The following RBM25 variants were observed in gnomAD, a reference collection of about 807,000 sequenced individuals.
The protein encoded by RBM25 is RNA binding motif protein 25, also known as RNA-binding protein 25.
Under a neutral mutation model 120.7 loss-of-function variants are expected in RBM25, and 19 were observed. The observed-to-expected ratio is 0.16, with a 90% CI of 0.11 to 0.23. The LOEUF is 0.23. Ranked by LOEUF, RBM25 falls within the 10% of genes least tolerant of loss-of-function variation. The probability of loss-of-function intolerance (pLI) is 1.00; values close to 1 mark genes in which losing one functional copy is unlikely to be tolerated. For missense variants in RBM25, 605 were observed against 1,041.5 expected, an observed-to-expected ratio of 0.58 and a Z score of 5.77; for synonymous variants, 390 against 326.7, an observed-to-expected ratio of 1.19 and a Z score of -2.09.
At chr14:73,111,329 C>A in intron 15 of RBM25, 174 bp downstream of exon 15, 1 of 823,522 alleles carries the variant, frequency 1.2e-6, no homozygotes, top group Admixed American at 3.1e-5. Flanking sequence ...GCTCCTATAT[C>A]TGCAGCTGCC....
At chr14:73,071,401 A>G (rs1352467305) in intron 1 of RBM25, among the ~76,000 whole-genome samples, 1 of 152,084 alleles carries the variant, frequency 6.6e-6, no homozygotes, top group Non-Finnish European at 1.5e-5. Context: ...TTCCTACATG[A>G]TTGTAGGAGT....
intron 4 of RBM25, 89 bp from the exon 5 acceptor site, chr14:73,083,405 C>T: frequency 9.8e-7 from 1 of 1,016,738 alleles, no homozygotes; most frequent in Non-Finnish European, 1.4e-6. Context: ...TGTTTTTTAT[C>T]CCTAGTAGAA....
At chr14:73,060,753 CA>C (rs1286576039) in intron 1 of RBM25, among the ~76,000 whole-genome samples, 2 of 151,266 alleles carry the variant, frequency 1.3e-5, no homozygotes, top group Admixed American at 6.6e-5. Context: ...TTCAGATTTA[CA>C]AAAAAAGTTG....
intron 18 of RBM25, among the ~76,000 whole-genome samples, chr14:73,117,205 C>CTTTTATTTTTATTT (rs1896448964): frequency 2.7e-5 from 1 of 36,564 alleles, no homozygotes; most frequent in African/African-American, 1.0e-4. Context: ...TTTCTTTCTT[C>CTTTTATTTTTATTT]TTTTCTTTTT....
chr14:73,059,119 ACT>A (rs754604799), intron 1 of RBM25, among the ~76,000 whole-genome samples: 1 of 151,352 alleles, frequency 6.6e-6, no homozygotes, highest in African/African-American at 2.4e-5. Context: ...GGCCTGGGAC[ACT>A]CTCGCCCCAG....
intron 18 of RBM25, among the ~76,000 whole-genome samples, chr14:73,119,145 C>T (rs1295644907): frequency 6.6e-6 from 1 of 152,160 alleles, no homozygotes; most frequent in Admixed American, 6.5e-5. Context: ...AGCAAAACTA[C>T]TTCCTAAGGA....
At chr14:73,090,398 C>T (rs746442943) in intron 6 of RBM25, among the ~76,000 whole-genome samples, 26 of 152,274 alleles carry the variant, frequency 1.7e-4, no homozygotes, top group Admixed American at 1.3e-4. Flanking sequence ...CTCCAGTCCA[C>T]GTTTCTAGCT....
chr14:73,081,299 G>A (rs758138084), intron 4 of RBM25, among the ~76,000 whole-genome samples: 1 of 152,024 alleles, frequency 6.6e-6, no homozygotes, highest in Non-Finnish European at 1.5e-5. Flanking sequence ...CACCACGTCC[G>A]GCTAATTTTT....
intron 4 of RBM25, among the ~76,000 whole-genome samples, chr14:73,083,194 G>T (rs1176583183): frequency 6.6e-6 from 1 of 151,970 alleles, no homozygotes; most frequent in Non-Finnish European, 1.5e-5. Context: ...CTAATTTTAG[G>T]CATTTAGGTT....
In RBM25 at chr14:73,079,617, T is replaced by C. The variant is rs536775770; in HGVS notation, c.324+2081T>C. Among the ~76,000 whole-genome samples, 12 of 150,620 alleles carry C rather than the reference T, an allele frequency of 8.0e-5. No homozygotes were observed. In the South Asian group the frequency reaches 2.3e-3, roughly 29 times the overall value. On this transcript the variant is annotated intron_variant, in intron 4 of 18. Coordinates refer to ENST00000261973, the MANE Select transcript of RBM25 (RefSeq NM_021239.3). ...GCAATCTTGCCATCCTCTGGAAATA[T>C]TGTTGCCTGCTCTCCTTATGCCCCT... is the stretch of plus-strand genomic sequence containing the variant.
intron 4 of RBM25, among the ~76,000 whole-genome samples, chr14:73,082,561 G>A (rs1323445388): frequency 6.6e-6 from 1 of 152,174 alleles, no homozygotes; most frequent in Non-Finnish European, 1.5e-5. Context: ...AAAGTGTTGG[G>A]ATTATAGACG....
intron 5 of RBM25, among the ~76,000 whole-genome samples, chr14:73,087,540 C>T (rs1038937049): frequency 6.6e-6 from 1 of 152,088 alleles, no homozygotes; most frequent in Non-Finnish European, 1.5e-5. Flanking sequence ...GGACTACAGG[C>T]GCCCGCCACC....
chr14:73,082,546 C>T (rs1824695247), intron 4 of RBM25, among the ~76,000 whole-genome samples: 2 of 152,180 alleles, frequency 1.3e-5, no homozygotes, highest in Admixed American at 1.3e-4. Context: ...CCACATCAGC[C>T]TCCCAAAGTG....
chr14:73,060,400 A>G (rs1566577949), intron 1 of RBM25, among the ~76,000 whole-genome samples: 1 of 151,482 alleles, frequency 6.6e-6, no homozygotes, highest in Non-Finnish European at 1.5e-5. Context: ...CAGACCTAAC[A>G]GGAATTTGGA....
intron 1 of RBM25, among the ~76,000 whole-genome samples, chr14:73,061,053 C>CTT (rs752576871): frequency 7.0e-5 from 10 of 142,178 alleles, no homozygotes; most frequent in African/African-American, 2.3e-4. Flanking sequence ...AGTTGGTGTA[C>CTT]TTTTTTTTTT....
chr14:73,063,129 C>T (rs1382052171), intron 1 of RBM25, among the ~76,000 whole-genome samples: 2 of 150,468 alleles, frequency 1.3e-5, no homozygotes, highest in African/African-American at 4.9e-5. Context: ...GCCCAGGTTC[C>T]TGTTTTTATT....
chr14:73,111,464 GT>G, intron 15 of RBM25, 63 bp from the exon 16 acceptor site: 1 of 1,474,448 alleles, frequency 6.8e-7, no homozygotes, highest in East Asian at 2.3e-5. Context: ...TTGAGGGATG[GT>G]GGGTTATAAA....
At chr14:73,062,654 G>C (rs77734210) in intron 1 of RBM25, among the ~76,000 whole-genome samples, 10,942 of 151,450 alleles carry the variant, frequency 0.072, 909 homozygotes, top group South Asian at 0.19. Context: ...TGCATATGTT[G>C]AGTACTAGAG....
intron 1 of RBM25, among the ~76,000 whole-genome samples, chr14:73,071,336 A>G (rs562995652): frequency 6.6e-6 from 1 of 151,630 alleles, no homozygotes; most frequent in African/African-American, 2.4e-5. Flanking sequence ...TATGTGTGGT[A>G]TTTAATTTTT....
Sources: gnomAD v4.1 joint callset for allele counts (sites outside exome capture counted in the v4.1 genomes callset) on GRCh38, gnomAD v4.1.1 for gene constraint, MANE v1.5 for transcripts, NCBI Gene and HGNC (gene_info 2026-07-23, HGNC 2026-07-21) for gene names.